The following DAB1 variants were observed in gnomAD, a reference collection of about 807,000 sequenced individuals.
The protein encoded by DAB1 is DAB adaptor protein 1, also known as disabled homolog 1.
A neutral mutation model predicts 64.6 loss-of-function variants in DAB1; 15 were observed. That is an observed-to-expected ratio of 0.23 (90% CI 0.16 to 0.36). The LOEUF (loss-of-function observed/expected upper bound fraction) is 0.36. Among genes scored for constraint, DAB1 ranks in the 10% least tolerant of loss-of-function variants. The pLI is 1.00. For missense variants in DAB1, 596 were observed against 706.7 expected (o/e 0.84, Z 1.78); for synonymous variants, 235 against 251.9 (o/e 0.93, Z 0.64).
At chr1:57,330,897 C>A (rs1676607476) in intron 1 of DAB1, among the ~76,000 whole-genome samples, 1 of 152,102 alleles carries the variant, frequency 6.6e-6, no homozygotes, top group Non-Finnish European at 1.5e-5. Context: ...GAATACCCTT[C>A]CCTCTCCTCT....
chr1:58,451,394 T>A (rs1298238100), intron 3 of DAB1, among the ~76,000 whole-genome samples: 1 of 152,186 alleles, frequency 6.6e-6, no homozygotes, highest in African/African-American at 2.4e-5. Flanking sequence ...AGCCCATCCC[T>A]GACACATGAT....
At chr1:57,033,563 G>T in intron 9 of DAB1, 2 of 1,612,360 alleles carry the variant, frequency 1.2e-6, no homozygotes, top group Non-Finnish European at 8.5e-7. Context: ...ATCCTCAAAC[G>T]AATAGCCATT....
At chr1:57,257,678 C>T (rs759298279) in intron 2 of DAB1, among the ~76,000 whole-genome samples, 4 of 152,128 alleles carry the variant, frequency 2.6e-5, no homozygotes, top group Non-Finnish European at 5.9e-5. Context: ...TTTTGGAGGC[C>T]AGGAGTCTTA....
At position 57,563,687 on chromosome 1, in the gene DAB1, C is replaced by T. The variant is rs560964422; in HGVS notation, n.625+85905G>A. Reference sequence around the variant, plus strand: ...GGTCCCATGCCCACAGAGCCTCCCTCATTGCTAGCACAGCAGTCTGAGATC... The same window carrying T: ...GGTCCCATGCCCACAGAGCCTCCCTTATTGCTAGCACAGCAGTCTGAGATC... On this transcript the variant is annotated intron_variant and non_coding_transcript_variant, in intron 7 of 20. Transcript: ENST00000485760. 3.9e-5 allele frequency among the ~76,000 whole-genome samples: 6 copies of T among 152,266 alleles called. No homozygotes were observed. In the East Asian group the frequency reaches 1.2e-3, roughly 29 times the overall value.
chr1:58,072,879 G>T lies in DAB1; in HGVS notation n.387+77632C>A, dbSNP rs902297950. On this transcript the variant is annotated intron_variant and non_coding_transcript_variant, in intron 5 of 20. Coordinates refer to the DAB1 transcript ENST00000485760. Reference sequence around the variant, plus strand: ...GTTTCCTATTCACTTTCCAGATTCGGTGCTTCCAAATAGATAAGTGTGTGT... The same window carrying T: ...GTTTCCTATTCACTTTCCAGATTCGTTGCTTCCAAATAGATAAGTGTGTGT... Among the ~76,000 whole-genome samples, 6 of 152,294 alleles carry T rather than the reference G, an allele frequency of 3.9e-5. No individual in the cohort carries two copies. In the South Asian group the frequency reaches 6.2e-4, roughly 16 times the overall value.
chr1:58,136,251 A>AG (rs1403691069), intron 5 of DAB1, among the ~76,000 whole-genome samples: 3 of 152,144 alleles, frequency 2.0e-5, no homozygotes, highest in Non-Finnish European at 2.9e-5. Context: ...CTGGTAGTGG[A>AG]GGGGCCTTCT....
intron 3 of DAB1, among the ~76,000 whole-genome samples, chr1:58,487,175 G>A (rs959529034): frequency 1.1e-4 from 16 of 152,354 alleles, no homozygotes; most frequent in African/African-American, 3.4e-4. Context: ...TAGGAAAGGA[G>A]CAGTGGCGAA....
chr1:57,786,971 T>G (rs554543127), intron 6 of DAB1, among the ~76,000 whole-genome samples: 81 of 152,064 alleles, frequency 5.3e-4, no homozygotes, highest in Admixed American at 1.0e-3. Context: ...GATGCAAATT[T>G]TTATGCTGTT....
intron 3 of DAB1, among the ~76,000 whole-genome samples, chr1:58,392,250 C>T (rs1222106786): frequency 2.0e-5 from 3 of 152,222 alleles, no homozygotes; most frequent in African/African-American, 7.2e-5. Flanking sequence ...AGTCAGCCAG[C>T]ACCTCTGCAT....
intron 3 of DAB1, among the ~76,000 whole-genome samples, chr1:58,351,813 G>T (rs60720023): frequency 0.18 from 26,479 of 147,218 alleles, 2,591 homozygotes; most frequent in South Asian, 0.26. Flanking sequence ...GGGGAGAGGG[G>T]TGTGGAGAGG....
At chr1:57,746,584 C>T (rs1033401710) in intron 6 of DAB1, among the ~76,000 whole-genome samples, 8 of 151,922 alleles carry the variant, frequency 5.3e-5, no homozygotes, top group East Asian at 1.9e-4. Context: ...TTCCAGGACC[C>T]CCTAGAAACC....
chr1:57,600,645 A>G (rs1209853405), intron 7 of DAB1, among the ~76,000 whole-genome samples: 1 of 152,170 alleles, frequency 6.6e-6, no homozygotes, highest in East Asian at 1.9e-4. Flanking sequence ...CCAGTCACTG[A>G]AAGCCAGTGC....
At chr1:58,286,575 C>T (rs1328447528) in intron 4 of DAB1, among the ~76,000 whole-genome samples, 1 of 152,190 alleles carries the variant, frequency 6.6e-6, no homozygotes, top group African/African-American at 2.4e-5. Flanking sequence ...AAAAGATCAA[C>T]ATCACTGACT....
rs375567001 is a variant in DAB1 at position 57,801,490 on chromosome 1, T to G, written n.551+82509A>C. ...ATGAAAAAATATAGAAGACTTATCTTTGGAATGTACTTTTGGAGAAGAAAA... is the reference window on the plus strand; with the variant it reads ...ATGAAAAAATATAGAAGACTTATCTGTGGAATGTACTTTTGGAGAAGAAAA... On this transcript the variant is annotated intron_variant and non_coding_transcript_variant, in intron 6 of 20. Transcript: ENST00000485760. 3.8e-4 allele frequency among the ~76,000 whole-genome samples: 58 copies of G among 152,280 alleles called. 1 individual carries two copies. The South Asian group carries it at 0.011, about 30-fold the overall frequency.
chr1:57,750,185 A>G (rs1648490274), intron 6 of DAB1, among the ~76,000 whole-genome samples: 1 of 152,154 alleles, frequency 6.6e-6, no homozygotes, highest in African/African-American at 2.4e-5. Context: ...CAATTAACAC[A>G]TATTTAGTAT....
chr1:57,294,977 T>C (rs955568179), intron 1 of DAB1, among the ~76,000 whole-genome samples: 1 of 152,152 alleles, frequency 6.6e-6, no homozygotes, highest in Non-Finnish European at 1.5e-5. Context: ...TTAGACAAAA[T>C]ATGTTGCATA....
chr1:57,258,140 G>A (rs1403098823), intron 2 of DAB1, among the ~76,000 whole-genome samples: 1 of 152,098 alleles, frequency 6.6e-6, no homozygotes, highest in Non-Finnish European at 1.5e-5. Flanking sequence ...ACTCAGCAAA[G>A]TGAATTTTCT....
At chr1:58,088,198 G>A (rs1650435621) in intron 5 of DAB1, among the ~76,000 whole-genome samples, 2 of 152,200 alleles carry the variant, frequency 1.3e-5, no homozygotes, top group African/African-American at 2.4e-5. Context: ...CCAAGTGGGG[G>A]TTCTTAGTTT....
intron 1 of DAB1, among the ~76,000 whole-genome samples, chr1:57,365,264 AAT>A (rs1204011377): frequency 2.4e-4 from 34 of 141,616 alleles, no homozygotes; most frequent in African/African-American, 7.9e-4. Context: ...TTATATAAAG[AAT>A]ATATATAAAT....
Sources: allele counts gnomAD v4.1 joint callset (sites outside exome capture counted in the v4.1 genomes callset), GRCh38; gene constraint gnomAD v4.1.1; transcripts MANE v1.5; gene names NCBI Gene and HGNC (gene_info 2026-07-23, HGNC 2026-07-21).